VAV3: variants seen among roughly 807,000 people sequenced by gnomAD.
VAV3 encodes the protein guanine nucleotide exchange factor VAV3.
A neutral mutation model predicts 131.2 loss-of-function variants in VAV3; 94 were observed. The ratio of observed to expected loss-of-function variants is 0.72; its 90% CI spans 0.61 to 0.85. The LOEUF is 0.85. Ranked by LOEUF, VAV3 falls within the 40% of genes least tolerant of loss-of-function variation. The pLI is 0.00. For synonymous variants in VAV3, 349 were observed against 342.0 expected, an observed-to-expected ratio of 1.02 and a Z score of -0.22; for missense variants, 939 against 1,002.7, an observed-to-expected ratio of 0.94 and a Z score of 0.86.
chr1:107,682,752 A>C (rs1658736364), intron 19 of VAV3, among the ~76,000 whole-genome samples: 1 of 152,238 alleles, frequency 6.6e-6, no homozygotes, highest in South Asian at 2.1e-4. Flanking sequence ...TTTCCAGCAA[A>C]GCTACTCTAT....
chr1:107,716,136 C>T (rs1017596087), intron 15 of VAV3, among the ~76,000 whole-genome samples: 4 of 152,076 alleles, frequency 2.6e-5, no homozygotes, highest in African/African-American at 4.8e-5. Flanking sequence ...ATATAAAACT[C>T]TATGTGCAGA....
At chr1:107,752,794 G>A (rs77454105) in intron 12 of VAV3, among the ~76,000 whole-genome samples, 4,531 of 152,254 alleles carry the variant, frequency 0.03, 93 homozygotes, top group Middle Eastern at 0.085. Flanking sequence ...CAAACAAACC[G>A]AATAGTGAGT....
intron 25 of VAV3, among the ~76,000 whole-genome samples, chr1:107,591,154 T>G (rs1338225542): frequency 6.6e-6 from 1 of 152,158 alleles, no homozygotes; most frequent in Non-Finnish European, 1.5e-5. Flanking sequence ...TCAGCTCTTG[T>G]AGATCCTTTA....
chr1:107,923,867 T>C (rs1673030494), intron 1 of VAV3, among the ~76,000 whole-genome samples: 1 of 152,162 alleles, frequency 6.6e-6, no homozygotes, highest in African/African-American at 2.4e-5. Flanking sequence ...CCCTTCCATC[T>C]TGTAAGGACA....
At chr1:107,790,912 T>C (rs188222721) in intron 2 of VAV3, among the ~76,000 whole-genome samples, 1 of 152,172 alleles carries the variant, frequency 6.6e-6, no homozygotes, top group African/African-American at 2.4e-5. Flanking sequence ...GGTCTCAAAC[T>C]CCTGACCTCA....
intron 2 of VAV3, among the ~76,000 whole-genome samples, chr1:107,845,540 C>T (rs1668923727): frequency 6.6e-6 from 1 of 150,526 alleles, no homozygotes; most frequent in Admixed American, 6.6e-5. Context: ...TGCAAGGAAG[C>T]TAAGAAACTT....
At chr1:107,736,370 G>A (rs561104138) in intron 15 of VAV3, among the ~76,000 whole-genome samples, 366 of 152,212 alleles carry the variant, frequency 2.4e-3, no homozygotes, top group East Asian at 8.3e-3. Context: ...CAATCAGGCA[G>A]GAGAAAGAAA....
intron 2 of VAV3, among the ~76,000 whole-genome samples, chr1:107,816,542 A>G (rs1464579404): frequency 6.6e-6 from 1 of 152,178 alleles, no homozygotes; most frequent in Non-Finnish European, 1.5e-5. Context: ...CAGCACTGTA[A>G]AATCAGTCAC....
intron 25 of VAV3, chr1:107,578,695 G>A (rs1361155072): frequency 9.9e-6 from 8 of 811,420 alleles, no homozygotes; most frequent in Non-Finnish European, 1.2e-5. Flanking sequence ...TGCAAGCTCC[G>A]CCTCCCGGGT....
At chr1:107,871,909 G>C (rs1321906185) in intron 2 of VAV3, among the ~76,000 whole-genome samples, 1 of 152,154 alleles carries the variant, frequency 6.6e-6, no homozygotes, top group Non-Finnish European at 1.5e-5. Context: ...CCTATTTAGA[G>C]TAAACAACTT....
intron 2 of VAV3, among the ~76,000 whole-genome samples, chr1:107,833,017 A>C (rs1167476409): frequency 1.3e-5 from 2 of 152,220 alleles, no homozygotes; most frequent in African/African-American, 4.8e-5. Flanking sequence ...TTTCGCAACT[A>C]GAAAATCATA....
intron 1 of VAV3, among the ~76,000 whole-genome samples, chr1:107,922,342 A>G (rs936697085): frequency 7.2e-5 from 11 of 152,274 alleles, no homozygotes; most frequent in African/African-American, 2.6e-4. Flanking sequence ...AGGCAGTAGA[A>G]GGGATTTTTA....
intron 2 of VAV3, among the ~76,000 whole-genome samples, chr1:107,847,363 C>A (rs1669017115): frequency 6.6e-6 from 1 of 151,948 alleles, no homozygotes; most frequent in African/African-American, 2.4e-5. Context: ...GTTAAAAGAA[C>A]TAGAGAAGCA....
intron 1 of VAV3, among the ~76,000 whole-genome samples, chr1:107,935,043 G>A (rs905503579): frequency 2.6e-5 from 4 of 152,078 alleles, no homozygotes; most frequent in South Asian, 2.1e-4. Flanking sequence ...CAGATTACGC[G>A]AACTGATGGG....
rs944751542 is a variant in VAV3 at position 107,612,465 on chromosome 1, G to A, written c.1981-2500C>T. Reference sequence around the variant, plus strand: ...TTGTAGTTCCTATTTCTCTTTTGAGGTTTTCTGTTCATTCATTATGAACAT... The same window carrying A: ...TTGTAGTTCCTATTTCTCTTTTGAGATTTTCTGTTCATTCATTATGAACAT... On this transcript the variant is annotated intron_variant, in intron 21 of 26. Coordinates refer to ENST00000370056, the MANE Select transcript of VAV3 (RefSeq NM_006113.5). 3.1e-4 allele frequency among the ~76,000 whole-genome samples: 47 copies of A among 151,870 alleles called. 1 individual carries two copies. Among genetic ancestry groups the A allele is most frequent in the Non-Finnish European group, 5.4e-4 (37 of 67,966 alleles).
At chr1:107,590,049 G>T (rs923411449) in intron 25 of VAV3, among the ~76,000 whole-genome samples, 2 of 152,152 alleles carry the variant, frequency 1.3e-5, no homozygotes, top group African/African-American at 2.4e-5. Flanking sequence ...GAATAATGGG[G>T]ACAGTGGGTG....
intron 1 of VAV3, among the ~76,000 whole-genome samples, chr1:107,952,468 T>TTTATATATATATATATATACA (rs1553235441): frequency 8.4e-6 from 1 of 119,028 alleles, no homozygotes; most frequent in Admixed American, 8.2e-5. Context: ...TAACAAAACT[T>TTTATATATATATATATATACA]TATATATATA....
intron 2 of VAV3, among the ~76,000 whole-genome samples, chr1:107,856,104 G>A (rs1228930663): frequency 3.3e-5 from 5 of 152,188 alleles, no homozygotes. Flanking sequence ...CTGTGACACA[G>A]GTGGAGTGGG....
At chr1:107,726,667 T>A (rs1446204504) in intron 15 of VAV3, among the ~76,000 whole-genome samples, 1 of 152,250 alleles carries the variant, frequency 6.6e-6, no homozygotes, top group Non-Finnish European at 1.5e-5. Flanking sequence ...TATGTTTTAC[T>A]GAATCAGCAT....
Sources: allele counts gnomAD v4.1 joint callset (sites outside exome capture counted in the v4.1 genomes callset), GRCh38; gene constraint gnomAD v4.1.1; transcripts MANE v1.5; gene names NCBI Gene and HGNC (gene_info 2026-07-23, HGNC 2026-07-21).